GDPD5: variants seen among roughly 807,000 people sequenced by gnomAD.
The protein encoded by GDPD5 is glycerophosphodiester phosphodiesterase 2.
Under a neutral mutation model 75.1 loss-of-function variants are expected in GDPD5, and 48 were observed. That is an observed-to-expected ratio of 0.64 (90% confidence interval 0.51 to 0.81). GDPD5 has a LOEUF of 0.81. Ranked by LOEUF, GDPD5 falls within the 40% of genes least tolerant of loss-of-function variation. GDPD5 has a pLI of 0.00. For missense variants in GDPD5, 706 were observed against 822.6 expected (o/e 0.86, Z 1.73); for synonymous variants, 336 against 339.0 (o/e 0.99, Z 0.10).
intron 1 of GDPD5, among the ~76,000 whole-genome samples, 195 bp downstream of exon 1, chr11:75,525,015 G>A (rs1171249782): frequency 6.6e-6 from 1 of 152,224 alleles, no homozygotes; most frequent in Non-Finnish European, 1.5e-5. Context: ...AGGCGGGGCG[G>A]GGCGGGGCAG....
At chr11:75,456,163 G>A (rs1425123437) in intron 6 of GDPD5, among the ~76,000 whole-genome samples, 3 of 152,192 alleles carry the variant, frequency 2.0e-5, no homozygotes, top group African/African-American at 4.8e-5. Context: ...CATGCTGGGA[G>A]AGCATGAGAT....
intron 9 of GDPD5, among the ~76,000 whole-genome samples, chr11:75,447,569 A>G (rs569261641): frequency 3.3e-4 from 51 of 152,316 alleles, no homozygotes; most frequent in African/African-American, 1.1e-3. Flanking sequence ...CTTCTTCATT[A>G]TGTGAGTCAT....
At chr11:75,517,448 C>T (rs986170909) in intron 1 of GDPD5, 3 of 151,618 alleles carry the variant, frequency 2.0e-5, no homozygotes, top group Non-Finnish European at 4.4e-5. Flanking sequence ...GAACGAAACT[C>T]TGTCTCAAAA....
chr11:75,496,538 C>T (rs961156711), intron 1 of GDPD5, among the ~76,000 whole-genome samples: 6 of 152,188 alleles, frequency 3.9e-5, no homozygotes, highest in African/African-American at 1.4e-4. Flanking sequence ...GTGAGCAGGA[C>T]GTGACAGGAC....
intron 4 of GDPD5, among the ~76,000 whole-genome samples, chr11:75,460,103 A>G (rs185314500): frequency 2.9e-4 from 44 of 152,132 alleles, no homozygotes; most frequent in Non-Finnish European, 4.9e-4. Flanking sequence ...AGGCCTGAAG[A>G]GGGGCAAGAC....
At chr11:75,444,113 A>G (rs569694718) in intron 10 of GDPD5, among the ~76,000 whole-genome samples, 23 of 152,332 alleles carry the variant, frequency 1.5e-4, no homozygotes, top group African/African-American at 5.5e-4. Context: ...GTCACAGTGA[A>G]TGTATCACTC....
chr11:75,441,357 C>A, intron 13 of GDPD5, 47 bp from the exon 14 acceptor site: 1 of 1,610,038 alleles, frequency 6.2e-7, no homozygotes, highest in Admixed American at 1.7e-5. Flanking sequence ...CCTGGCAGCT[C>A]CAGGCCCAGT....
intron 3 of GDPD5, among the ~76,000 whole-genome samples, chr11:75,477,185 G>A (rs1284100874): frequency 1.3e-5 from 2 of 152,164 alleles, no homozygotes; most frequent in African/African-American, 4.8e-5. Flanking sequence ...CAAGCCTGTG[G>A]CTCAGGTGAC....
intron 1 of GDPD5, among the ~76,000 whole-genome samples, chr11:75,521,571 T>C (rs918606620): frequency 6.6e-6 from 1 of 152,250 alleles, no homozygotes; most frequent in African/African-American, 2.4e-5. Context: ...CTGTTGTTGA[T>C]ATCATCACTG....
At position 75,477,636 on chromosome 11, in the gene GDPD5, G is replaced by C; in HGVS notation, c.100C>G (p.His34Asp). 1 of 1,593,060 alleles carries C rather than the reference G, an allele frequency of 6.3e-7. No individual in the cohort carries two copies. The highest frequency in any genetic ancestry group is 8.6e-7 in the Non-Finnish European group (1 of 1,164,896). ...TGGCTCACCGGTGTGGTATCATCAT[G>C]GGAGCGCTGGTAGCGCTTCCAACGG... ...GCRWKRYQRS[H>D]DDTTPWERLW... is the part of the protein sequence containing the mutation. The change falls in exon 3 of 17, where the codon CAT becomes GAT. Residue 34 changes from histidine to aspartate, a missense_variant. Coordinates refer to ENST00000336898, the MANE Select transcript of GDPD5 (RefSeq NM_030792.8).
At chr11:75,437,807 C>T (rs562277227) in intron 15 of GDPD5, 1 of 152,450 alleles carries the variant, frequency 6.6e-6, no homozygotes, top group African/African-American at 2.4e-5. Flanking sequence ...CCAGCCCAGG[C>T]CACTGTCTTC....
chr11:75,463,767 C>T (rs1437617550), intron 3 of GDPD5, among the ~76,000 whole-genome samples: 1 of 152,204 alleles, frequency 6.6e-6, no homozygotes, highest in African/African-American at 2.4e-5. Context: ...CTCTTCATGG[C>T]TCCTTACTGA....
intron 3 of GDPD5, among the ~76,000 whole-genome samples, chr11:75,468,140 C>T (rs1949566482): frequency 6.6e-6 from 1 of 152,192 alleles, no homozygotes. Flanking sequence ...TAGACTGCAG[C>T]CCCAGGCCAA....
chr11:75,480,327 C>CAA (rs142189915), intron 2 of GDPD5, among the ~76,000 whole-genome samples: 20 of 120,544 alleles, frequency 1.7e-4, no homozygotes, highest in African/African-American at 5.7e-4. Flanking sequence ...ATCTCCATCT[C>CAA]AAAAAAAAAA....
At position 75,441,250 on chromosome 11, in the gene GDPD5, G is replaced by A. The variant is rs373142305; in HGVS notation, c.1386C>T (p.Phe462=). 11 of 1,614,050 alleles carry A rather than the reference G, an allele frequency of 6.8e-6. No homozygotes were observed. Among genetic ancestry groups the A allele is most frequent in the Non-Finnish European group, 8.5e-6 (10 of 1,180,032 alleles). ...GGACCCCCGCACACCACAGCAGGGA[G>A]AAGAGCCACGGTGCGTTGACTGTGT... ...NLYTVNAPWL[F]SLLWCAGVPS... is the part of the protein sequence containing the mutation. The change falls in exon 14 of 17, where the codon TTC becomes TTT. Residue 462 remains phenylalanine (F), a synonymous_variant. Coordinates refer to ENST00000336898, the MANE Select transcript of GDPD5 (RefSeq NM_030792.8).
intron 3 of GDPD5, among the ~76,000 whole-genome samples, chr11:75,466,137 A>G (rs1949510594): frequency 6.6e-6 from 1 of 152,210 alleles, no homozygotes; most frequent in Admixed American, 6.5e-5. Context: ...CATGGAAGGA[A>G]TGCAGGCAGG....
At chr11:75,454,631 C>T (rs373115294) in intron 6 of GDPD5, among the ~76,000 whole-genome samples, 1 of 152,172 alleles carries the variant, frequency 6.6e-6, no homozygotes, top group Non-Finnish European at 1.5e-5. Context: ...GGGATGGATA[C>T]CAACAGGGAT....
At chr11:75,449,414 C>T in intron 8 of GDPD5, 103 bp downstream of exon 8, 1 of 1,227,028 alleles carries the variant, frequency 8.1e-7, no homozygotes. Flanking sequence ...GGGCCCCACC[C>T]CATCCCCAGG....
At chr11:75,473,369 G>A (rs1392754532) in intron 3 of GDPD5, among the ~76,000 whole-genome samples, 9 of 152,014 alleles carry the variant, frequency 5.9e-5, no homozygotes, top group Non-Finnish European at 1.2e-4. Flanking sequence ...ATCCACCCAC[G>A]CTGGGCATCA....
Sources: gnomAD v4.1 joint callset for allele counts (sites outside exome capture counted in the v4.1 genomes callset) on GRCh38, gnomAD v4.1.1 for gene constraint, MANE v1.5 for transcripts, NCBI Gene and HGNC (gene_info 2026-07-23, HGNC 2026-07-21) for gene names.